RAPGEF6: variants seen among roughly 807,000 people sequenced by gnomAD.
RAPGEF6 encodes the protein PDZ domain containing guanine nucleotide exchange factor (GEF) 2.
RAPGEF6 carries 56 observed loss-of-function variants against 171.4 expected under a neutral mutation model. The ratio of observed to expected loss-of-function variants is 0.33; its 90% CI spans 0.26 to 0.41. The LOEUF is 0.41. Among genes scored for constraint, RAPGEF6 ranks in the 10% least tolerant of loss-of-function variants. RAPGEF6 has a pLI of 1.00. For synonymous variants in RAPGEF6, 692 were observed against 650.1 expected, an observed-to-expected ratio of 1.06 and a Z score of -0.98; for missense variants, 1,674 against 1,921.4, an observed-to-expected ratio of 0.87 and a Z score of 2.41.
Position 131,433,451 on chromosome 5 carries a change from T to A in RAPGEF6, c.3953A>T (p.Asp1318Val), listed in dbSNP as rs1751831178. The change falls in exon 25 of 28, where the codon GAT becomes GTT. Residue 1318 changes from aspartate to valine, a missense_variant. Physicochemically the swap from Asp to Val is radical, Grantham distance 152 (BLOSUM62 -3). Around this residue, in one of 3 missense-constraint regions of RAPGEF6, gnomAD observed 552 missense variants for 574.2 expected, o/e 0.96. Coordinates refer to ENST00000509018, the MANE Select transcript of RAPGEF6 (RefSeq NM_016340.6). Reference protein sequence around the residue: ...EKTEHASGIGDHSQHGPGWTL... With the variant: ...EKTEHASGIGVHSQHGPGWTL... The stretch of plus-strand genomic sequence containing the variant: ...TTACCCAGGGCCATGTTGACTATGA[T>A]CTCCTATCCCTGAAGCGTGCTCTGT... 2.5e-6 allele frequency: 4 copies of A among 1,612,492 alleles called. No individual in the cohort carries two copies. The highest frequency in any genetic ancestry group is 2.2e-5 in the East Asian group (1 of 44,892).
At chr5:131,455,289 C>T (rs974272991) in intron 20 of RAPGEF6, among the ~76,000 whole-genome samples, 3 of 152,196 alleles carry the variant, frequency 2.0e-5, no homozygotes, top group Admixed American at 6.5e-5. Context: ...GACAGAGTCT[C>T]GCTCTGTCGC....
chr5:131,430,269 T>C (rs1751617305), intron 26 of RAPGEF6, among the ~76,000 whole-genome samples: 2 of 152,198 alleles, frequency 1.3e-5, no homozygotes, highest in South Asian at 4.1e-4. Flanking sequence ...TCCACGTATT[T>C]ATATAGTTTA....
At chr5:131,492,819 G>A (rs751501218) in intron 13 of RAPGEF6, 34 bp from the exon 14 acceptor site, 12 of 1,557,694 alleles carry the variant, frequency 7.7e-6, no homozygotes, top group Non-Finnish European at 1.1e-5. Flanking sequence ...GTATATAAAT[G>A]TATCTATTCC....
chr5:131,523,815 A>AAAC (rs1242850950), intron 6 of RAPGEF6, among the ~76,000 whole-genome samples: 1 of 87,310 alleles, frequency 1.1e-5, no homozygotes, highest in Non-Finnish European at 2.8e-5. Flanking sequence ...CAAACAAAAA[A>AAAC]CCCACCCCAA....
chr5:131,593,616 T>C (rs1037893712), intron 3 of RAPGEF6, among the ~76,000 whole-genome samples: 16 of 152,168 alleles, frequency 1.1e-4, no homozygotes, highest in African/African-American at 3.9e-4. Context: ...AACAATGAAG[T>C]CCAGGCTGAG....
intron 6 of RAPGEF6, among the ~76,000 whole-genome samples, chr5:131,542,855 G>A (rs1760246245): frequency 6.6e-6 from 1 of 152,104 alleles, no homozygotes; most frequent in African/African-American, 2.4e-5. Flanking sequence ...GTTCAGTATG[G>A]CCAAAAAATA....
intron 4 of RAPGEF6, among the ~76,000 whole-genome samples, chr5:131,567,134 C>A (rs1581034925): frequency 6.6e-6 from 1 of 150,426 alleles, no homozygotes; most frequent in Non-Finnish European, 1.5e-5. Flanking sequence ...TTTAAAATTT[C>A]TTTAGGATGT....
chr5:131,538,967 C>T (rs748208547), intron 6 of RAPGEF6, among the ~76,000 whole-genome samples: 10 of 152,008 alleles, frequency 6.6e-5, no homozygotes, highest in Non-Finnish European at 8.8e-5. Flanking sequence ...GTTAGATACT[C>T]GTAAACAAAA....
intron 6 of RAPGEF6, among the ~76,000 whole-genome samples, chr5:131,528,284 TATAAATAAAATAAAATA>T (rs1561538084): frequency 8.2e-6 from 1 of 121,614 alleles, no homozygotes; most frequent in African/African-American, 3.1e-5. Flanking sequence ...ATTATATATA[TATAAATAAAATAAAATA>T]ATATATTTAT....
At chr5:131,519,646 C>A (rs1485398306) in intron 7 of RAPGEF6, among the ~76,000 whole-genome samples, 1 of 152,186 alleles carries the variant, frequency 6.6e-6, no homozygotes. Context: ...AGGTAATCCG[C>A]CCGCCTAGGC....
intron 15 of RAPGEF6, 83 bp from the exon 16 acceptor site, chr5:131,479,836 CAG>C (rs1307997757): frequency 2.2e-6 from 3 of 1,385,184 alleles, no homozygotes; most frequent in Non-Finnish European, 3.0e-6. Flanking sequence ...AGGATAAACA[CAG>C]TGACTTTCCA....
intron 24 of RAPGEF6, among the ~76,000 whole-genome samples, chr5:131,438,089 A>T (rs1172198063): frequency 1.4e-5 from 2 of 140,460 alleles, no homozygotes; most frequent in Non-Finnish European, 3.1e-5. Flanking sequence ...CCTTGGTTCA[A>T]GTGATTCTCC....
intron 23 of RAPGEF6, chr5:131,440,324 C>G (rs1752298217): frequency 2.3e-6 from 1 of 438,916 alleles, no homozygotes; most frequent in East Asian, 7.2e-5. Flanking sequence ...TATCATTACC[C>G]TTGTCCAATG....
chr5:131,573,713 GCATA>G (rs558848876), intron 4 of RAPGEF6, among the ~76,000 whole-genome samples: 179 of 152,142 alleles, frequency 1.2e-3, no homozygotes, highest in African/African-American at 4.2e-3. Context: ...CAAAAAGGCA[GCATA>G]CAAAGTTGTT....
intron 15 of RAPGEF6, among the ~76,000 whole-genome samples, chr5:131,484,502 A>T (rs907454157): frequency 6.6e-6 from 1 of 152,152 alleles, no homozygotes; most frequent in Admixed American, 6.5e-5. Flanking sequence ...GGCGTGAGCC[A>T]CTGTGCCTGG....
At chr5:131,630,228 G>T (rs1766215235) in intron 1 of RAPGEF6, among the ~76,000 whole-genome samples, 1 of 152,314 alleles carries the variant, frequency 6.6e-6, no homozygotes, top group Admixed American at 6.5e-5. Context: ...CCCTCCACCA[G>T]CTAAAAGATG....
chr5:131,502,009 A>G (rs539184303), intron 11 of RAPGEF6, among the ~76,000 whole-genome samples: 1 of 152,310 alleles, frequency 6.6e-6, no homozygotes, highest in South Asian at 2.1e-4. Flanking sequence ...GAGCTGGTAC[A>G]GTTAAGTTCA....
intron 22 of RAPGEF6, 57 bp from the exon 23 acceptor site, chr5:131,442,594 A>G: frequency 6.3e-7 from 1 of 1,579,612 alleles, no homozygotes; most frequent in Non-Finnish European, 8.6e-7. Flanking sequence ...GGTTATCACC[A>G]CTGGCAATAA....
At chr5:131,581,101 T>C (rs1182561560) in intron 4 of RAPGEF6, among the ~76,000 whole-genome samples, 3 of 152,164 alleles carry the variant, frequency 2.0e-5, no homozygotes, top group African/African-American at 4.8e-5. Flanking sequence ...TACAGACATA[T>C]CACAAACTTT....
Sources: gnomAD v4.1 joint callset for allele counts (sites outside exome capture counted in the v4.1 genomes callset) on GRCh38, gnomAD v4.1.1 for gene constraint, gnomAD v4.1.1 regional missense constraint, MANE v1.5 for transcripts, NCBI Gene and HGNC (gene_info 2026-07-23, HGNC 2026-07-21) for gene names.